Variants in EXOC6B observed in about 807,000 individuals in gnomAD.
EXOC6B encodes exocyst complex component 6B.
In EXOC6B, 54 loss-of-function variants were observed where a neutral mutation model predicts 113.5. The ratio of observed to expected loss-of-function variants is 0.48; its 90% CI spans 0.38 to 0.60. The LOEUF (loss-of-function observed/expected upper bound fraction) is 0.60. Among genes scored for constraint, EXOC6B ranks in the 20% least tolerant of loss-of-function variants. EXOC6B has a pLI of 0.00. For missense variants in EXOC6B, 797 were observed against 977.5 expected (o/e 0.82, Z 2.46); for synonymous variants, 357 against 339.0 (o/e 1.05, Z -0.58).
intron 6 of EXOC6B, among the ~76,000 whole-genome samples, chr2:72,605,766 T>C (rs976820787): frequency 4.6e-5 from 7 of 152,262 alleles, no homozygotes; most frequent in Middle Eastern, 3.4e-3. Context: ...TATAAGCCTA[T>C]TTTCTCCATT....
At position 72,716,925 on chromosome 2, in the gene EXOC6B, G is replaced by C. The variant is rs371993639; in HGVS notation, c.669+1178C>G. Among the ~76,000 whole-genome samples, 4 of 152,198 alleles carry C rather than the reference G, an allele frequency of 2.6e-5. No individual in the cohort carries two copies. The East Asian group carries it at 7.7e-4, about 29-fold the overall frequency. On this transcript the variant is annotated intron_variant, in intron 6 of 21. Coordinates refer to ENST00000272427, the MANE Select transcript of EXOC6B (RefSeq NM_015189.3). ...ACTCTCCTATATTTTAAAAGCTTAG[G>C]AAAAACTGAACCAATCACAATAAAG... is the stretch of plus-strand genomic sequence containing the variant.
chr2:72,516,096 T>A (rs1056553375), intron 8 of EXOC6B, among the ~76,000 whole-genome samples: 4 of 152,190 alleles, frequency 2.6e-5, no homozygotes, highest in African/African-American at 9.6e-5. Flanking sequence ...GAGTTTGGAA[T>A]TCTAGCCTCC....
intron 6 of EXOC6B, among the ~76,000 whole-genome samples, chr2:72,644,078 T>A (rs1259712193): frequency 6.6e-6 from 1 of 151,958 alleles, no homozygotes; most frequent in East Asian, 1.9e-4. Flanking sequence ...CTAACAAGAA[T>A]AAACAGTGTA....
chr2:72,236,812 T>C (rs900094089), intron 20 of EXOC6B, among the ~76,000 whole-genome samples: 3 of 152,022 alleles, frequency 2.0e-5, no homozygotes, highest in Non-Finnish European at 4.4e-5. Flanking sequence ...CCATGGGCAG[T>C]CTTAGTTTCT....
intron 6 of EXOC6B, among the ~76,000 whole-genome samples, chr2:72,581,700 C>T (rs1705236235): frequency 6.6e-6 from 1 of 152,224 alleles, no homozygotes; most frequent in Non-Finnish European, 1.5e-5. Flanking sequence ...CCCTGCTGGC[C>T]AAGGCAGAGA....
intron 6 of EXOC6B, among the ~76,000 whole-genome samples, chr2:72,626,086 CT>C (rs1395174425): frequency 6.6e-6 from 1 of 152,050 alleles, no homozygotes; most frequent in African/African-American, 2.4e-5. Context: ...TTTTCCCAAT[CT>C]CCCAGAAACC....
At chr2:72,512,911 T>C (rs1701019592) in intron 11 of EXOC6B, among the ~76,000 whole-genome samples, 1 of 152,096 alleles carries the variant, frequency 6.6e-6, no homozygotes, top group East Asian at 1.9e-4. Context: ...AATCAATAGA[T>C]ATTAGCTGCT....
At chr2:72,616,671 C>T (rs750673091) in intron 6 of EXOC6B, among the ~76,000 whole-genome samples, 12 of 152,060 alleles carry the variant, frequency 7.9e-5, no homozygotes, top group African/African-American at 1.2e-4. Context: ...GGGAAAGACC[C>T]GCCTCCATGA....
At chr2:72,714,416 G>A (rs922561683) in intron 6 of EXOC6B, among the ~76,000 whole-genome samples, 21 of 152,200 alleles carry the variant, frequency 1.4e-4, no homozygotes. Flanking sequence ...TGCACTATAA[G>A]TGAATAAAGA....
intron 6 of EXOC6B, among the ~76,000 whole-genome samples, chr2:72,644,169 A>C (rs1177833244): frequency 6.6e-6 from 1 of 152,194 alleles, no homozygotes; most frequent in Non-Finnish European, 1.5e-5. Context: ...TCAATAGCCA[A>C]TTCAATCAAG....
intron 7 of EXOC6B, among the ~76,000 whole-genome samples, chr2:72,567,473 T>C (rs954359245): frequency 4.6e-5 from 7 of 152,226 alleles, no homozygotes; most frequent in Admixed American, 4.6e-4. Flanking sequence ...TACATTAGAT[T>C]GGAATTAGAA....
chr2:72,490,857 C>A (rs1386790634), intron 16 of EXOC6B, among the ~76,000 whole-genome samples: 1 of 152,048 alleles, frequency 6.6e-6, no homozygotes, highest in Non-Finnish European at 1.5e-5. Flanking sequence ...AGAACTGAAC[C>A]CAAGATTCTT....
chr2:72,473,401 C>T (rs1698531602), intron 17 of EXOC6B, among the ~76,000 whole-genome samples: 1 of 151,996 alleles, frequency 6.6e-6, no homozygotes, highest in Admixed American at 6.6e-5. Context: ...CATCCTCTTG[C>T]TAGATTGATC....
At chr2:72,417,782 T>A (rs1284171664) in intron 18 of EXOC6B, among the ~76,000 whole-genome samples, 1 of 152,182 alleles carries the variant, frequency 6.6e-6, no homozygotes, top group Non-Finnish European at 1.5e-5. Flanking sequence ...TGAGTTTATA[T>A]TTGCCTTAAG....
intron 20 of EXOC6B, among the ~76,000 whole-genome samples, chr2:72,298,463 T>C (rs1450736467): frequency 6.6e-6 from 1 of 152,236 alleles, no homozygotes; most frequent in East Asian, 1.9e-4. Context: ...TGTCTTTTAA[T>C]TGGGGCATTT....
intron 8 of EXOC6B, among the ~76,000 whole-genome samples, chr2:72,522,732 C>T (rs1316004950): frequency 2.6e-5 from 4 of 152,128 alleles, no homozygotes; most frequent in Non-Finnish European, 5.9e-5. Context: ...GCCCATTCAC[C>T]AAGATCTAAT....
intron 21 of EXOC6B, among the ~76,000 whole-genome samples, chr2:72,179,873 C>T (rs1238172498): frequency 6.6e-6 from 1 of 152,166 alleles, no homozygotes; most frequent in Non-Finnish European, 1.5e-5. Flanking sequence ...CTGATAGGAC[C>T]TTTGAGATAA....
At chr2:72,265,913 C>T (rs1261077098) in intron 20 of EXOC6B, among the ~76,000 whole-genome samples, 6 of 152,184 alleles carry the variant, frequency 3.9e-5, no homozygotes, top group Non-Finnish European at 7.3e-5. Context: ...TCTCCAGCAC[C>T]TGTTGTTTCC....
At chr2:72,229,696 C>T (rs1319161009) in intron 20 of EXOC6B, among the ~76,000 whole-genome samples, 2 of 152,102 alleles carry the variant, frequency 1.3e-5, no homozygotes, top group African/African-American at 2.4e-5. Context: ...TATAGAGTCA[C>T]CTGCAAGAGC....
Sources: gnomAD v4.1 joint callset for allele counts (sites outside exome capture counted in the v4.1 genomes callset) on GRCh38, gnomAD v4.1.1 for gene constraint, MANE v1.5 for transcripts, NCBI Gene and HGNC (gene_info 2026-07-23, HGNC 2026-07-21) for gene names.